GALNT17: variants seen among roughly 807,000 people sequenced by gnomAD.
GALNT17 encodes UDP-GalNAc:polypeptide N-acetylgalactosaminyltransferase-like 3.
Under a neutral mutation model 63.7 loss-of-function variants are expected in GALNT17, and 29 were observed. The observed-to-expected ratio is 0.46, with a 90% CI of 0.34 to 0.62. The LOEUF (loss-of-function observed/expected upper bound fraction) is 0.62, where lower values mean the gene tolerates loss of function less well. Ranked by LOEUF, GALNT17 falls within the 20% of genes least tolerant of loss-of-function variation. The probability of loss-of-function intolerance (pLI) is 0.01; values close to 1 mark genes in which losing one functional copy is unlikely to be tolerated. For synonymous variants in GALNT17, 305 were observed against 318.3 expected, an observed-to-expected ratio of 0.96 and a Z score of 0.45; for missense variants, 603 against 799.6, an observed-to-expected ratio of 0.75 and a Z score of 2.97.
chr7:71,146,723 A>T (rs758134792), intron 1 of GALNT17, among the ~76,000 whole-genome samples: 12 of 152,150 alleles, frequency 7.9e-5, no homozygotes, highest in Non-Finnish European at 1.6e-4. Context: ...CTGCTCTGAC[A>T]TGTGGATGAC....
chr7:71,701,913 A>ATGTG (rs1554326611), intron 9 of GALNT17, among the ~76,000 whole-genome samples: 9,249 of 125,894 alleles, frequency 0.073, 548 homozygotes, highest in South Asian at 0.12. Flanking sequence ...ATATATATAC[A>ATGTG]TATATATATG....
In GALNT17 at chr7:71,677,215, G is replaced by T; in HGVS notation, c.1409G>T (p.Arg470Leu). ...YNNTVAYGEL[R>L]NNKAKDVCLD... The stretch of plus-strand genomic sequence containing the variant: ...GTGTTTTGTCTATTCTTGCAGCTTC[G>T]CAACAACAAGGCAAAAGACGTCTGC... The change falls in exon 9 of 11, where the codon CGC (arginine) becomes CTC (leucine). Residue 470 changes from arginine to leucine, a missense_variant. Physicochemically the swap from Arg to Leu is moderately radical, Grantham distance 102. Coordinates refer to ENST00000333538, the MANE Select transcript of GALNT17 (RefSeq NM_022479.3). 1 of 1,613,804 alleles carries T rather than the reference G, an allele frequency of 6.2e-7. No homozygotes were observed. Among genetic ancestry groups the T allele is most frequent in the Non-Finnish European group, 8.5e-7 (1 of 1,179,866 alleles).
At chr7:71,437,392 A>G (rs1458821882) in intron 5 of GALNT17, among the ~76,000 whole-genome samples, 1 of 152,118 alleles carries the variant, frequency 6.6e-6, no homozygotes, top group African/African-American at 2.4e-5. Context: ...AACATTTGCT[A>G]TTTGTTCAAA....
At chr7:71,634,551 C>T (rs943665437) in intron 6 of GALNT17, among the ~76,000 whole-genome samples, 2 of 151,696 alleles carry the variant, frequency 1.3e-5, no homozygotes, top group South Asian at 4.2e-4. Flanking sequence ...GTCAGGACCT[C>T]GAGACCAGCC....
At chr7:71,477,262 A>G (rs1039458697) in intron 5 of GALNT17, among the ~76,000 whole-genome samples, 4 of 152,132 alleles carry the variant, frequency 2.6e-5, no homozygotes, top group Admixed American at 6.5e-5. Context: ...TTCCCTGCCC[A>G]GTGGAAGAGA....
rs114908133 is a variant in GALNT17, at chr7:71,346,615, T to C, written c.422+10882T>C. On this transcript the variant is annotated intron_variant, in intron 2 of 10. Transcript: ENST00000333538. ...TGTGTATCTTCAAGGTCTGTGGACG[T>C]CCCCACATCAACTGCCTAACCTTCT... is the stretch of plus-strand genomic sequence containing the variant. Among the ~76,000 whole-genome samples, 371 of 152,064 alleles carry C rather than the reference T, an allele frequency of 2.4e-3. 3 individuals are homozygous for C. Among genetic ancestry groups the C allele is most frequent in the African/African-American group, 8.6e-3 (358 of 41,490 alleles).
At chr7:71,476,260 A>T (rs1787720757) in intron 5 of GALNT17, among the ~76,000 whole-genome samples, 1 of 152,218 alleles carries the variant, frequency 6.6e-6, no homozygotes, top group African/African-American at 2.4e-5. Context: ...AAGGCACAAG[A>T]TGTTAGCAGT....
Position 71,290,946 on chromosome 7 carries a change from G to T in GALNT17, c.239-44604G>T, listed in dbSNP as rs148066252. Among the ~76,000 whole-genome samples, 662 of 152,266 alleles carry T rather than the reference G, an allele frequency of 4.3e-3. 4 individuals are homozygous for T. Among genetic ancestry groups the T allele is most frequent in the African/African-American group, 0.014 (588 of 41,546 alleles). On this transcript the variant is annotated intron_variant, in intron 1 of 10. Coordinates refer to ENST00000333538, the MANE Select transcript of GALNT17 (RefSeq NM_022479.3). ...ACATCACTCACCTTCTCCGAGCCTTGGTTTCCACATTGAGAAGTGAGTTGG... is the reference window on the plus strand; with the variant it reads ...ACATCACTCACCTTCTCCGAGCCTTTGTTTCCACATTGAGAAGTGAGTTGG...
intron 5 of GALNT17, among the ~76,000 whole-genome samples, chr7:71,463,396 G>A (rs1211066559): frequency 6.6e-6 from 1 of 152,206 alleles, no homozygotes; most frequent in African/African-American, 2.4e-5. Context: ...CAACAAGGAA[G>A]TGGGCCAGAG....
intron 5 of GALNT17, among the ~76,000 whole-genome samples, chr7:71,533,989 G>C (rs1230198630): frequency 6.6e-6 from 1 of 152,154 alleles, no homozygotes; most frequent in Non-Finnish European, 1.5e-5. Flanking sequence ...TGATTAACAG[G>C]CAGTTGTCCA....
rs1788171157 is a variant in GALNT17, at chr7:71,153,472, A to G, written c.238+20432A>G. On this transcript the variant is annotated intron_variant, in intron 1 of 10. Coordinates refer to ENST00000333538, the MANE Select transcript of GALNT17 (RefSeq NM_022479.3). ...AAGGGTGTTCAGGTTCTGTAATTTTATGGATCAGAAAGGTAGAGTCGATGA... is the reference window on the plus strand; with the variant it reads ...AAGGGTGTTCAGGTTCTGTAATTTTGTGGATCAGAAAGGTAGAGTCGATGA... 2.6e-5 allele frequency among the ~76,000 whole-genome samples: 4 copies of G among 152,274 alleles called. No homozygotes were observed. The South Asian group carries it at 8.3e-4, about 32-fold the overall frequency.
At chr7:71,321,896 TTCCTTC>T (rs1258680392) in intron 1 of GALNT17, among the ~76,000 whole-genome samples, 1 of 94,324 alleles carries the variant, frequency 1.1e-5, no homozygotes, top group Non-Finnish European at 2.2e-5. Flanking sequence ...CCTTCCTTCC[TTCCTTC>T]CTTCCTTCCT....
intron 3 of GALNT17, among the ~76,000 whole-genome samples, chr7:71,391,511 C>T (rs1793050325): frequency 6.6e-6 from 1 of 152,152 alleles, no homozygotes; most frequent in South Asian, 2.1e-4. Context: ...GACAGGGTCT[C>T]TCACTCTGTC....
At chr7:71,199,617 C>T (rs1477174070) in intron 1 of GALNT17, among the ~76,000 whole-genome samples, 1 of 148,748 alleles carries the variant, frequency 6.7e-6, no homozygotes, top group Non-Finnish European at 1.5e-5. Context: ...CTGATCCACC[C>T]GCCCACCCAC....
In GALNT17 at chr7:71,601,027, G is replaced by A. The variant is rs561050526; in HGVS notation, c.1080+29625G>A. Among the ~76,000 whole-genome samples the A allele has an allele frequency of 2.6e-5, 4 of 152,050 alleles. No homozygotes were observed. The South Asian group carries it at 6.2e-4, about 24-fold the overall frequency. On this transcript the variant is annotated intron_variant, in intron 6 of 10. Transcript: ENST00000333538. ...ACATACAATGTTTGGTTTTCCGTTC[G>A]TGAGTTACTTAAGTTAGAATAATTG... is the stretch of plus-strand genomic sequence containing the variant.
intron 1 of GALNT17, among the ~76,000 whole-genome samples, chr7:71,265,116 ATATTTTTT>A (rs1790467109): frequency 1.7e-5 from 1 of 59,030 alleles, no homozygotes; most frequent in African/African-American, 6.8e-5. Context: ...ATATATATAT[ATATTTTTT>A]TTTTTTTTTT....
intron 2 of GALNT17, among the ~76,000 whole-genome samples, chr7:71,377,084 T>TAA (rs1563047253): frequency 9.7e-5 from 3 of 30,836 alleles, no homozygotes; most frequent in African/African-American, 6.5e-4. Flanking sequence ...ATATTCCATC[T>TAA]CAAAAAAAAA....
chr7:71,688,023 C>A (rs765245684), intron 9 of GALNT17, among the ~76,000 whole-genome samples: 23 of 152,136 alleles, frequency 1.5e-4, no homozygotes, highest in Non-Finnish European at 3.1e-4. Context: ...CTGAGAAAAC[C>A]TGCTGCACAC....
chr7:71,311,386 T>C (rs543484082), intron 1 of GALNT17, among the ~76,000 whole-genome samples: 11 of 152,278 alleles, frequency 7.2e-5, no homozygotes, highest in South Asian at 4.1e-4. Flanking sequence ...AGTCAATCAA[T>C]TGGGGAAGCA....
Sources: gnomAD v4.1 joint callset for allele counts (sites outside exome capture counted in the v4.1 genomes callset) on GRCh38, gnomAD v4.1.1 for gene constraint, MANE v1.5 for transcripts, NCBI Gene and HGNC (gene_info 2026-07-23, HGNC 2026-07-21) for gene names.